DHRSX: variants seen among roughly 807,000 people sequenced by gnomAD.
DHRSX encodes polyprenol dehydrogenase.
A neutral mutation model predicts 34.0 loss-of-function variants in DHRSX; 31 were observed. That is an observed-to-expected ratio of 0.91 (90% CI 0.69 to 1.23). DHRSX has a LOEUF of 1.23. DHRSX is among the 50% of genes most tolerant of loss of function. The probability of loss-of-function intolerance (pLI) is 0.00; values close to 1 mark genes in which losing one functional copy is unlikely to be tolerated. For missense variants in DHRSX, 414 were observed against 428.1 expected (o/e 0.97, Z 0.29); for synonymous variants, 201 against 183.8 (o/e 1.09, Z -0.76).
chrX:2,349,281 C>T lies in DHRSX; in HGVS notation c.287-57678G>A, dbSNP rs1453053905. Among the ~76,000 whole-genome samples the T allele has an allele frequency of 4.6e-5, 7 of 151,868 alleles. No homozygotes were observed. The South Asian group carries it at 6.2e-4, about 14-fold the overall frequency. ...AATAGATGAATGGATGAAGAAAATG[C>T]GGTACAGCTGGGTGCGGTGGCTCAG... On this transcript the variant is annotated intron_variant, in intron 3 of 6. Transcript: ENST00000334651.
chrX:2,269,991 G>A (rs1257298152), intron 4 of DHRSX, among the ~76,000 whole-genome samples: 1 of 151,914 alleles, frequency 6.6e-6, no homozygotes, highest in African/African-American at 2.4e-5. Context: ...ATCTTATATG[G>A]AGCTATCTAT....
chrX:2,489,839 G>A, intron 1 of DHRSX: 1 of 1,613,716 alleles, frequency 6.2e-7, no homozygotes, highest in South Asian at 1.1e-5. Context: ...GGCATTGAAG[G>A]TGTGGCCCAG....
intron 3 of DHRSX, among the ~76,000 whole-genome samples, chrX:2,401,578 A>C (rs1414039893): frequency 6.6e-6 from 1 of 152,182 alleles, no homozygotes. Context: ...TACGAGCTGC[A>C]AAAGAGAATG....
intron 3 of DHRSX, among the ~76,000 whole-genome samples, chrX:2,388,094 G>C (rs1408821268): frequency 6.6e-6 from 1 of 152,054 alleles, no homozygotes; most frequent in African/African-American, 2.4e-5. Flanking sequence ...TGAGGGCAGA[G>C]AAAACAGGAG....
chrX:2,260,461 T>A (rs1479246115), intron 5 of DHRSX, among the ~76,000 whole-genome samples: 1 of 100,740 alleles, frequency 9.9e-6, no homozygotes, highest in Non-Finnish European at 1.6e-5. Context: ...TTCTACTTCA[T>A]TTTTTTTTTT....
chrX:2,339,618 G>T (rs867734409), intron 3 of DHRSX, among the ~76,000 whole-genome samples: 2 of 151,936 alleles, frequency 1.3e-5, no homozygotes, highest in Non-Finnish European at 2.9e-5. Flanking sequence ...TAGCTTCCAC[G>T]TATCAGTGAC....
At chrX:2,303,049 A>G (rs766370601) in intron 3 of DHRSX, among the ~76,000 whole-genome samples, 1 of 152,316 alleles carries the variant, frequency 6.6e-6, no homozygotes, top group South Asian at 2.1e-4. Context: ...AGGAAAACCC[A>G]TACTACTGCT....
chrX:2,408,121 CT>C (rs111351764), intron 3 of DHRSX, among the ~76,000 whole-genome samples: 35,870 of 146,168 alleles, frequency 0.25, 4,375 homozygotes, highest in Middle Eastern at 0.3. Flanking sequence ...TTCTTTCTTT[CT>C]TTTTTTTTTT....
chrX:2,320,923 T>C (rs1472604982), intron 3 of DHRSX, among the ~76,000 whole-genome samples: 3 of 152,050 alleles, frequency 2.0e-5, no homozygotes, highest in Non-Finnish European at 4.4e-5. Flanking sequence ...GAGGGCTCAG[T>C]GATCCAAAAA....
At chrX:2,467,603 G>A (rs1413748133) in intron 1 of DHRSX, among the ~76,000 whole-genome samples, 1 of 148,340 alleles carries the variant, frequency 6.7e-6, no homozygotes, top group African/African-American at 2.6e-5. Flanking sequence ...ACAAAGTCCA[G>A]AGGACATGGA....
intron 5 of DHRSX, among the ~76,000 whole-genome samples, chrX:2,243,478 TTTTA>T (rs891844379): frequency 1.3e-5 from 2 of 152,004 alleles, no homozygotes; most frequent in African/African-American, 2.4e-5. Flanking sequence ...GTTACTAATT[TTTTA>T]TTTATTTATT....
intron 3 of DHRSX, among the ~76,000 whole-genome samples, chrX:2,361,022 A>C (rs2042927086): frequency 6.6e-6 from 1 of 152,244 alleles, no homozygotes; most frequent in East Asian, 1.9e-4. Context: ...GACAGCTCCT[A>C]CTGGCTGCTA....
chrX:2,455,815 ATTT>A (rs761871253), intron 1 of DHRSX, among the ~76,000 whole-genome samples: 1 of 150,308 alleles, frequency 6.7e-6, no homozygotes, highest in African/African-American at 2.4e-5. Flanking sequence ...CATTTTACTG[ATTT>A]TTTTTTAACT....
chrX:2,363,059 C>T lies in DHRSX; in HGVS notation c.286+45686G>A, dbSNP rs755679330. ...TGGTATCATGCCGCCATTTTATCAC[C>T]GTTCTATGGTATCATGCCATTTTAT... On this transcript the variant is annotated intron_variant, in intron 3 of 6. Transcript: ENST00000334651. 6.9e-5 allele frequency among the ~76,000 whole-genome samples: 8 copies of T among 116,596 alleles called. No homozygotes were observed. The East Asian group carries it at 8.5e-4, about 12-fold the overall frequency. The allele number at this position is 116,596 out of a possible 152,430, so 76.5% of individuals were successfully genotyped here.
intron 6 of DHRSX, among the ~76,000 whole-genome samples, chrX:2,226,729 G>A (rs763813600): frequency 1.3e-5 from 2 of 151,816 alleles, no homozygotes; most frequent in Non-Finnish European, 1.5e-5. Flanking sequence ...CGGGAGGCGG[G>A]GCTTGCAGTG....
At chrX:2,463,897 C>T (rs1223110394) in intron 1 of DHRSX, among the ~76,000 whole-genome samples, 3 of 152,168 alleles carry the variant, frequency 2.0e-5, no homozygotes, top group Admixed American at 1.3e-4. Context: ...GAACTGAAGA[C>T]GTTTTCTAAG....
At chrX:2,242,612 G>C (rs1312191777) in intron 6 of DHRSX, among the ~76,000 whole-genome samples, 1 of 152,016 alleles carries the variant, frequency 6.6e-6, no homozygotes, top group African/African-American at 2.4e-5. Flanking sequence ...TAAAGAAGCG[G>C]GCCAAAACCC....
chrX:2,222,515 A>G (rs1289680621), intron 6 of DHRSX, among the ~76,000 whole-genome samples: 1 of 152,168 alleles, frequency 6.6e-6, no homozygotes, highest in Non-Finnish European at 1.5e-5. Context: ...AAGACCAGAT[A>G]TTGCCTTTGT....
In DHRSX at chrX:2,325,083, T is replaced by C. The variant is rs149441853; in HGVS notation, c.287-33480A>G. 1.4e-3 allele frequency among the ~76,000 whole-genome samples: 211 copies of C among 152,146 alleles called. 5 individuals are homozygous for C. The East Asian group carries it at 0.017, about 12-fold the overall frequency. On this transcript the variant is annotated intron_variant, in intron 3 of 6. Coordinates refer to ENST00000334651, the MANE Select transcript of DHRSX (RefSeq NM_145177.3). ...GCCACTGCGCCCGGCAGCTTTTCTC[T>C]TTAACGAAAAGCAGCCCCAAGTCAT...
Sources: allele counts gnomAD v4.1 joint callset (sites outside exome capture counted in the v4.1 genomes callset), GRCh38; gene constraint gnomAD v4.1.1; transcripts MANE v1.5; gene names NCBI Gene and HGNC (gene_info 2026-07-23, HGNC 2026-07-21).